The following HECA variants were observed in gnomAD, a reference collection of about 807,000 sequenced individuals.
The protein encoded by HECA is HECA ribonucleoprotein granule regulator, also known as headcase protein homolog.
A neutral mutation model predicts 37.6 loss-of-function variants in HECA; 13 were observed. The ratio of observed to expected loss-of-function variants is 0.35; its 90% CI spans 0.23 to 0.55. The LOEUF (loss-of-function observed/expected upper bound fraction) is 0.55, where lower values mean the gene tolerates loss of function less well. HECA is among the 20% of genes least tolerant of loss of function. The pLI is 0.90. For missense variants in HECA, 527 were observed against 701.9 expected, an observed-to-expected ratio of 0.75 and a Z score of 2.82; for synonymous variants, 307 against 291.5, an observed-to-expected ratio of 1.05 and a Z score of -0.54.
intron 1 of HECA, among the ~76,000 whole-genome samples, chr6:139,143,422 T>G (rs1043650670): frequency 2.0e-5 from 3 of 152,236 alleles, no homozygotes; most frequent in Non-Finnish European, 2.9e-5. Flanking sequence ...AAGTTTTTAT[T>G]CAAGCACTGC....
At chr6:139,150,486 AAG>A (rs1333183833) in intron 1 of HECA, among the ~76,000 whole-genome samples, 2 of 151,222 alleles carry the variant, frequency 1.3e-5, no homozygotes, top group Non-Finnish European at 2.9e-5. Flanking sequence ...AAAAAAAAAA[AAG>A]AAATAGATGA....
At chr6:139,167,918 A>G (rs368522725) in intron 2 of HECA, among the ~76,000 whole-genome samples, 25 of 152,316 alleles carry the variant, frequency 1.6e-4, no homozygotes, top group African/African-American at 5.5e-4. Flanking sequence ...TTTCAGCCAT[A>G]AATTGAATGA....
At chr6:139,167,826 C>A (rs1348741002) in intron 2 of HECA, among the ~76,000 whole-genome samples, 1 of 152,146 alleles carries the variant, frequency 6.6e-6, no homozygotes, top group Non-Finnish European at 1.5e-5. Context: ...AAAGCTCAGA[C>A]ATTAGCCCGG....
At chr6:139,151,187 T>A (rs1370544801) in intron 1 of HECA, 1 of 152,164 alleles carries the variant, frequency 6.6e-6, no homozygotes, top group Non-Finnish European at 1.5e-5. Context: ...GCCAGAGTGA[T>A]CACTATAAAG....
At chr6:139,160,553 A>AT (rs1251327209) in intron 1 of HECA, among the ~76,000 whole-genome samples, 1 of 152,118 alleles carries the variant, frequency 6.6e-6, no homozygotes, top group Non-Finnish European at 1.5e-5. Flanking sequence ...AGCTGGGACT[A>AT]TAGGCACATG....
In HECA at chr6:139,172,283, G is replaced by A. The variant is rs184065767; in HGVS notation, c.1313-2102G>A. Among the ~76,000 whole-genome samples, 10 of 152,264 alleles carry A rather than the reference G, an allele frequency of 6.6e-5. No homozygotes were observed. The East Asian group carries it at 1.9e-3, about 29-fold the overall frequency. ...CTAGCCTGATCATGTGTTTTTTAAA[G>A]CATTTTCAACTCCAATAGAAGGGCC... On this transcript the variant is annotated intron_variant, in intron 2 of 3. Transcript: ENST00000367658.
chr6:139,140,706 A>G (rs1774502973), intron 1 of HECA, among the ~76,000 whole-genome samples: 1 of 152,246 alleles, frequency 6.6e-6, no homozygotes, highest in South Asian at 2.1e-4. Context: ...GCTTTTAGCT[A>G]TGAATAATTT....
Position 139,146,182 on chromosome 6 carries a change from T to G in HECA, c.271+10515T>G, listed in dbSNP as rs576036459. Among the ~76,000 whole-genome samples, 130 of 152,340 alleles carry G rather than the reference T, an allele frequency of 8.5e-4. 2 individuals carry two copies. In the South Asian group the frequency reaches 0.011, roughly 13 times the overall value. On this transcript the variant is annotated intron_variant, in intron 1 of 3. Coordinates refer to ENST00000367658, the MANE Select transcript of HECA (RefSeq NM_016217.3). ...CATTAAAAATAGAATGCCTTAAGATTTATTCCTTCATAACACGTGATCAAG... is the reference window on the plus strand; with the variant it reads ...CATTAAAAATAGAATGCCTTAAGATGTATTCCTTCATAACACGTGATCAAG...
At chr6:139,144,266 T>C (rs1774552547) in intron 1 of HECA, 1 of 152,348 alleles carries the variant, frequency 6.6e-6, no homozygotes, top group South Asian at 2.1e-4. Context: ...TGTTAAATTA[T>C]ACTTGGGGGG....
chr6:139,156,976 G>A (rs1186801949), intron 1 of HECA, among the ~76,000 whole-genome samples: 2 of 152,204 alleles, frequency 1.3e-5, no homozygotes, highest in African/African-American at 4.8e-5. Context: ...CGAGTCCGCA[G>A]TGCAAAGTGA....
chr6:139,168,507 C>T (rs968615703), intron 2 of HECA, among the ~76,000 whole-genome samples: 3 of 150,964 alleles, frequency 2.0e-5, no homozygotes, highest in African/African-American at 7.3e-5. Context: ...TTTCCACATA[C>T]CTGTCAGATT....
chr6:139,170,816 C>T (rs72980689), intron 2 of HECA, among the ~76,000 whole-genome samples: 4,489 of 150,580 alleles, frequency 0.03, 75 homozygotes, highest in Non-Finnish European at 0.039. Flanking sequence ...AGGAAAGGTG[C>T]GGGAAAGGGG....
chr6:139,161,816 T>A (rs1346822494), intron 1 of HECA, among the ~76,000 whole-genome samples: 1 of 152,216 alleles, frequency 6.6e-6, no homozygotes, highest in African/African-American at 2.4e-5. Context: ...ACTTCAAGGC[T>A]CTTCATCTGA....
chr6:139,174,974 A>G (rs1357698782), intron 3 of HECA, among the ~76,000 whole-genome samples: 5 of 152,188 alleles, frequency 3.3e-5, no homozygotes, highest in African/African-American at 9.7e-5. Flanking sequence ...ATTCAAAAGG[A>G]AGAAAGTCAC....
At position 139,180,193 on chromosome 6, in the gene HECA, C is replaced by A. The variant is rs189629499; in HGVS notation, c.*3088C>A. 3 of 152,150 alleles carry A rather than the reference C, an allele frequency of 2.0e-5. No individual in the cohort carries two copies. Among genetic ancestry groups the A allele is most frequent in the Admixed American group, 1.3e-4 (2 of 15,280 alleles). 9.4% of individuals were successfully genotyped at this position (152,150 alleles called of 1,614,324 possible). A position where few individuals can be genotyped will look rare whatever the true frequency, so the allele number is the denominator to read the frequency against. On this transcript the variant is annotated 3_prime_UTR_variant, in exon 4 of 4. Coordinates refer to ENST00000367658, the MANE Select transcript of HECA (RefSeq NM_016217.3). ...AGGTTTTGTTCAAGAAGTTCATTTT[C>A]TGAGTAAAAGGTATTTTCATATATG...
chr6:139,155,718 C>G (rs1214372181), intron 1 of HECA: 1 of 152,116 alleles, frequency 6.6e-6, no homozygotes, highest in Non-Finnish European at 1.5e-5. Context: ...TGCTAGGATG[C>G]TGTGTAGTTT....
chr6:139,162,230 G>A (rs1362401866), intron 1 of HECA, among the ~76,000 whole-genome samples: 1 of 152,088 alleles, frequency 6.6e-6, no homozygotes, highest in Admixed American at 6.6e-5. Flanking sequence ...GGAGGAGAAG[G>A]GTTGGAGTCA....
chr6:139,152,328 A>T (rs1774661136), intron 1 of HECA, among the ~76,000 whole-genome samples: 1 of 152,096 alleles, frequency 6.6e-6, no homozygotes, highest in East Asian at 1.9e-4. Context: ...TTTTAATTTC[A>T]AAGTAAGAAA....
At position 139,167,224 on chromosome 6, in the gene HECA, G is replaced by A. The variant is rs367751153; in HGVS notation, c.1212G>A (p.Ala404=). ...NVVNCALCHR[A]LPVFEQFPLV... Reference sequence around the variant, plus strand: ...TAAACTGTGCCCTGTGCCACCGGGCGCTCCCGGTGTTCGAACAGTTCCCAC... The same window carrying A: ...TAAACTGTGCCCTGTGCCACCGGGCACTCCCGGTGTTCGAACAGTTCCCAC... The change falls in exon 2 of 4, where the codon GCG becomes GCA. Residue 404 remains alanine, a synonymous_variant. Coordinates refer to ENST00000367658, the MANE Select transcript of HECA (RefSeq NM_016217.3). 58 of 1,614,028 alleles carry A rather than the reference G, an allele frequency of 3.6e-5. No individual in the cohort carries two copies. The African/African-American group carries it at 5.7e-4, about 16-fold the overall frequency.
Sources: gnomAD v4.1 joint callset for allele counts (sites outside exome capture counted in the v4.1 genomes callset) on GRCh38, gnomAD v4.1.1 for gene constraint, MANE v1.5 for transcripts, NCBI Gene and HGNC (gene_info 2026-07-23, HGNC 2026-07-21) for gene names.